LOC400499: variants seen among roughly 807,000 people sequenced by gnomAD.
the LOC400499 span, among the ~76,000 whole-genome samples, chr16:11,456,408 C>A: frequency 6.6e-6 from 1 of 151,946 alleles, no homozygotes; most frequent in African/African-American, 2.4e-5. Flanking sequence ...TCTGCAAATG[C>A]AAAGGCCCTG....
At chr16:11,380,923 G>T in the LOC400499 span, 2 of 158,346 alleles carry the variant, frequency 1.3e-5, no homozygotes, top group South Asian at 1.9e-4. Context: ...TTGTCTCATC[G>T]AGTCCAAGGC....
At chr16:11,447,629 TGC>T in the LOC400499 span, among the ~76,000 whole-genome samples, 2 of 152,106 alleles carry the variant, frequency 1.3e-5, no homozygotes, top group Non-Finnish European at 2.9e-5. Context: ...TGCTGTTCCC[TGC>T]ACACAGGGAA....
chr16:11,384,062 G>T, the LOC400499 span: 55 of 1,231,444 alleles, frequency 4.5e-5, no homozygotes, highest in Non-Finnish European at 5.5e-5. Flanking sequence ...TGGCTCCCCC[G>T]CGTACACTGG....
the LOC400499 span, chr16:11,508,613 A>G: frequency 2.5e-6 from 1 of 397,308 alleles, no homozygotes; most frequent in Non-Finnish European, 4.4e-6. Context: ...CCCTGATATT[A>G]AATATCTGAG....
the LOC400499 span, among the ~76,000 whole-genome samples, chr16:11,422,243 A>C: frequency 1.3e-5 from 2 of 152,196 alleles, no homozygotes; most frequent in Non-Finnish European, 2.9e-5. Context: ...TATACTAAAA[A>C]TACAAAAATT....
the LOC400499 span, among the ~76,000 whole-genome samples, chr16:11,460,300 G>A: frequency 5.3e-5 from 8 of 152,138 alleles, no homozygotes; most frequent in South Asian, 2.1e-4. Context: ...GGGCTGAAGC[G>A]TTCCTGGATG....
the LOC400499 span, chr16:11,487,127 G>C: frequency 2.5e-6 from 1 of 396,972 alleles, no homozygotes; most frequent in East Asian, 3.6e-5. Flanking sequence ...GGGCAGGTGG[G>C]TGACTAGATA....
the LOC400499 span, among the ~76,000 whole-genome samples, chr16:11,399,048 C>A: frequency 6.6e-6 from 1 of 152,164 alleles, no homozygotes; most frequent in African/African-American, 2.4e-5. Flanking sequence ...GCCAGCTCTC[C>A]CCATTTCTCC....
the LOC400499 span, chr16:11,384,858 G>T: frequency 1.6e-6 from 2 of 1,231,900 alleles, no homozygotes; most frequent in African/African-American, 3.1e-5. Context: ...CGCTGTAGGT[G>T]GGGCCAACCC....
chr16:11,401,449 G>A, the LOC400499 span: 1 of 399,282 alleles, frequency 2.5e-6, no homozygotes, highest in African/African-American at 2.1e-5. Flanking sequence ...TGCCCAGACA[G>A]ACTGCACCTC....
the LOC400499 span, among the ~76,000 whole-genome samples, chr16:11,432,865 CT>C: frequency 3.9e-5 from 6 of 152,230 alleles, no homozygotes; most frequent in Non-Finnish European, 8.8e-5. Flanking sequence ...AGAGCCAAAT[CT>C]TCAGCTGAGC....
At chr16:11,381,729 T>C in the LOC400499 span, among the ~76,000 whole-genome samples, 4 of 152,214 alleles carry the variant, frequency 2.6e-5, no homozygotes, top group Admixed American at 6.5e-5. Flanking sequence ...ACTAACCTCA[T>C]GCTTATTTTC....
At chr16:11,437,721 T>C in the LOC400499 span, among the ~76,000 whole-genome samples, 2 of 151,948 alleles carry the variant, frequency 1.3e-5, no homozygotes, top group African/African-American at 4.8e-5. Flanking sequence ...TACAAAAAAT[T>C]ATCTGGGTGT....
At chr16:11,387,355 C>T in the LOC400499 span, 4 of 1,206,844 alleles carry the variant, frequency 3.3e-6, no homozygotes, top group Middle Eastern at 3.2e-4. Flanking sequence ...CCCTTGGCTG[C>T]AGAGGGGAGC....
At chr16:11,434,136 G>A in the LOC400499 span, among the ~76,000 whole-genome samples, 1 of 152,104 alleles carries the variant, frequency 6.6e-6, no homozygotes, top group Non-Finnish European at 1.5e-5. Flanking sequence ...TCCAGCTCTG[G>A]AGAGCTCACC....
chr16:11,500,617 G>A, the LOC400499 span, among the ~76,000 whole-genome samples: 3 of 152,084 alleles, frequency 2.0e-5, no homozygotes, highest in East Asian at 1.9e-4. Context: ...CCTTGAACCC[G>A]GAATTCTCTG....
At chr16:11,393,185 G>GGTCTCAC in the LOC400499 span, among the ~76,000 whole-genome samples, 1 of 148,636 alleles carries the variant, frequency 6.7e-6, no homozygotes, top group Non-Finnish European at 1.5e-5. Flanking sequence ...GTAGAGACGG[G>GGTCTCAC]GTCTCACTAT....
the LOC400499 span, among the ~76,000 whole-genome samples, chr16:11,490,422 G>C: frequency 7.1e-6 from 1 of 140,952 alleles, no homozygotes; most frequent in Non-Finnish European, 1.5e-5. Flanking sequence ...AAAAAAGTCC[G>C]GGCGCAGTGG....
the LOC400499 span, chr16:11,467,284 A>C: frequency 2.7e-5 from 4 of 148,630 alleles, no homozygotes; most frequent in African/African-American, 9.9e-5. Flanking sequence ...AAAAAAAAAA[A>C]AAAAGTCCTC....
Sources: gnomAD v4.1 joint callset for allele counts (sites outside exome capture counted in the v4.1 genomes callset) on GRCh38, gnomAD v4.1.1 for gene constraint, MANE v1.5 for transcripts.